The following GLI2 variants were observed in gnomAD, a reference collection of about 807,000 sequenced individuals.
GLI2 encodes the protein GLI family zinc finger 2.
Under a neutral mutation model 78.9 loss-of-function variants are expected in GLI2, and 22 were observed. The ratio of observed to expected loss-of-function variants is 0.28; its 90% CI spans 0.20 to 0.40. GLI2 has a LOEUF of 0.40. GLI2 is among the 10% of genes least tolerant of loss of function. The pLI, the probability that GLI2 is intolerant of heterozygous loss-of-function variation, is 1.00. For missense variants in GLI2, 2,097 were observed against 2,213.2 expected, an observed-to-expected ratio of 0.95 and a Z score of 1.05; for synonymous variants, 974 against 963.7, an observed-to-expected ratio of 1.01 and a Z score of -0.20.
chr2:120,879,352 AG>A, intron 2 of GLI2, among the ~76,000 whole-genome samples: 1 of 152,186 alleles, frequency 6.6e-6, no homozygotes, highest in South Asian at 2.1e-4. Context: ...CCAGGTCTGG[AG>A]GGGCTGTGTG....
intron 2 of GLI2, among the ~76,000 whole-genome samples, chr2:120,919,703 G>A (rs921836951): frequency 1.3e-5 from 2 of 152,262 alleles, no homozygotes; most frequent in African/African-American, 4.8e-5. Context: ...GCAACACTCA[G>A]CATCACCGGG....
chr2:120,940,925 G>A (rs954269792), intron 3 of GLI2, among the ~76,000 whole-genome samples: 1 of 152,158 alleles, frequency 6.6e-6, no homozygotes, highest in African/African-American at 2.4e-5. Flanking sequence ...CAGAACCCCA[G>A]CTCCCCACAC....
intron 1 of GLI2, among the ~76,000 whole-genome samples, chr2:120,761,478 CCA>C (rs1683210231): frequency 6.6e-6 from 1 of 152,204 alleles, no homozygotes; most frequent in Admixed American, 6.5e-5. Context: ...TCTTTTCTCC[CCA>C]CCTCAGATTG....
chr2:120,741,182 C>G (rs918444304), intron 1 of GLI2, among the ~76,000 whole-genome samples: 3 of 152,164 alleles, frequency 2.0e-5, no homozygotes, highest in African/African-American at 4.8e-5. Context: ...CCTCCAGACC[C>G]AGCCCAAACC....
chr2:120,984,725 C>T lies in GLI2; in HGVS notation c.1887C>T (p.Ile629=), dbSNP rs201044997. The change falls in exon 12 of 14, where the codon ATC becomes ATT. Residue 629 remains isoleucine, a synonymous_variant. Transcript: ENST00000361492. The stretch of plus-strand genomic sequence containing the variant: ...AGGACTGCCTGCACGTCAGAGCCAT[C>T]AAGACCGAGAGCTCCGGGGTAAGCG... ...AVEDCLHVRA[I]KTESSGLCQS... The T allele has an allele frequency of 6.2e-7, 1 of 1,613,024 alleles. No homozygotes were observed. The highest frequency in any genetic ancestry group is 2.2e-5 in the East Asian group (1 of 44,874).
chr2:120,978,596 C>T lies in GLI2; in HGVS notation c.1467+13C>T, dbSNP rs1464774287. 6.2e-7 allele frequency: 1 copy of T among 1,610,480 alleles called. No individual in the cohort carries two copies. Among genetic ancestry groups the T allele is most frequent in the Non-Finnish European group, 8.5e-7 (1 of 1,178,080 alleles). ...CCACAAGTGCACGGTGAGTGGCCTT[C>T]TCCCCACCCCCGCCGCAGCATCAAG... On this transcript the variant is annotated intron_variant, in intron 10 of 13. Coordinates refer to ENST00000361492, the MANE Select transcript of GLI2 (RefSeq NM_001374353.1).
At chr2:120,848,804 TAGG>T (rs1432031586) in intron 2 of GLI2, among the ~76,000 whole-genome samples, 2 of 152,084 alleles carry the variant, frequency 1.3e-5, no homozygotes, top group Non-Finnish European at 2.9e-5. Flanking sequence ...TCACTTTTCT[TAGG>T]AAGAAGGAAG....
At chr2:120,930,422 A>C (rs991548297) in intron 3 of GLI2, among the ~76,000 whole-genome samples, 7 of 152,236 alleles carry the variant, frequency 4.6e-5, no homozygotes, top group Admixed American at 2.6e-4. Flanking sequence ...CCACTTTGCA[A>C]GTTAGAAATC....
At chr2:120,786,098 G>GTT (rs1228031031) in intron 1 of GLI2, among the ~76,000 whole-genome samples, 2 of 152,194 alleles carry the variant, frequency 1.3e-5, no homozygotes, top group East Asian at 3.9e-4. Flanking sequence ...CCCAGGATCC[G>GTT]TAAGAGGACA....
At chr2:120,898,114 C>T (rs907892901) in intron 2 of GLI2, among the ~76,000 whole-genome samples, 1 of 151,416 alleles carries the variant, frequency 6.6e-6, no homozygotes, top group Admixed American at 6.6e-5. Flanking sequence ...GGTTTCCATC[C>T]ACCCCCTACT....
At chr2:120,912,142 T>C (rs78210990) in intron 2 of GLI2, among the ~76,000 whole-genome samples, 6,737 of 152,272 alleles carry the variant, frequency 0.044, 223 homozygotes, top group Non-Finnish European at 0.07. Context: ...CAGCTCTGGT[T>C]TCTCCGGCCC....
rs1238290206 is a variant in GLI2, at chr2:120,787,413, C to A, written c.-30-9878C>A. 2.0e-5 allele frequency among the ~76,000 whole-genome samples: 3 copies of A among 152,160 alleles called. No individual in the cohort carries two copies. In the East Asian group the frequency reaches 5.8e-4, roughly 29 times the overall value. On this transcript the variant is annotated intron_variant, in intron 1 of 13. Transcript: ENST00000361492. ...CTCAGTGGCCCTTGGTCCTTGCCCC[C>A]ACCCCCAACTCCCTGCCTTCTCAGT...
At chr2:120,874,707 C>A (rs1688645493) in intron 2 of GLI2, among the ~76,000 whole-genome samples, 1 of 152,236 alleles carries the variant, frequency 6.6e-6, no homozygotes, top group Admixed American at 6.5e-5. Flanking sequence ...AGGACGCAGG[C>A]AGCTCAGAAA....
chr2:120,990,117 T>C lies in GLI2; in HGVS notation c.4152T>C (p.His1384=), dbSNP rs1683217311. 6.2e-7 allele frequency: 1 copy of C among 1,603,814 alleles called. No individual in the cohort carries two copies. The highest frequency in any genetic ancestry group is 1.1e-5 in the South Asian group (1 of 90,112). The change falls in exon 14 of 14, where the codon CAT becomes CAC. Residue 1384 remains histidine, a synonymous_variant. Coordinates refer to ENST00000361492, the MANE Select transcript of GLI2 (RefSeq NM_001374353.1). ...QQLAYARATG[H]AMAAMPSSQE... is the part of the protein sequence containing the mutation. ...TGGCCTACGCCAGGGCCACAGGCCA[T>C]GCCATGGCTGCCATGCCGTCCAGTC...
intron 2 of GLI2, among the ~76,000 whole-genome samples, chr2:120,819,304 A>G (rs572931014): frequency 1.7e-4 from 22 of 131,624 alleles, no homozygotes; most frequent in African/African-American, 5.6e-4. Context: ...CAATGGTGTG[A>G]TCTTGGCTCA....
intron 5 of GLI2, among the ~76,000 whole-genome samples, chr2:120,965,839 A>G (rs1424477617): frequency 6.6e-6 from 1 of 152,172 alleles, no homozygotes; most frequent in Non-Finnish European, 1.5e-5. Context: ...CAGGTGACCT[A>G]GGATCCTTCC....
Position 120,988,891 on chromosome 2 carries a change from G to A in GLI2, c.2926G>A (p.Val976Met), listed in dbSNP as rs767022377. The A allele has an allele frequency of 6.6e-6, 10 of 1,506,346 alleles. No homozygotes were observed. The highest frequency in any genetic ancestry group is 8.8e-6 in the Non-Finnish European group (10 of 1,130,122). The allele number at this position is 1,506,346 out of a possible 1,614,324, so 93.3% of individuals were successfully genotyped here. A position where few individuals can be genotyped will look rare whatever the true frequency, so the allele number is the denominator to read the frequency against. Residue 976 changes from valine (V) to methionine (M), a missense_variant, in exon 14 of 14, where the codon GTG becomes ATG. Val to Met is a conservative substitution (Grantham distance 21, BLOSUM62 1). This residue lies in a region of GLI2 where 1,290 missense variants were observed against 1,261.7 expected (regional missense o/e 1.02). Transcript: ENST00000361492. ...RVQRFHSTHN[V>M]NPGPLPPCAD... ...GCAGCGCTTCCACAGCACCCACAACGTGAACCCCGGCCCGCTGCCGCCCTG... is the reference window on the plus strand; with the variant it reads ...GCAGCGCTTCCACAGCACCCACAACATGAACCCCGGCCCGCTGCCGCCCTG...
chr2:120,879,801 A>T (rs1677023766), intron 2 of GLI2, among the ~76,000 whole-genome samples: 1 of 152,206 alleles, frequency 6.6e-6, no homozygotes, highest in Non-Finnish European at 1.5e-5. Flanking sequence ...GCCTGTTCTA[A>T]TGAGGAGCTT....
At position 120,990,993 on chromosome 2, in the gene GLI2, T is replaced by G; in HGVS notation, c.*318T>G. On this transcript the variant is annotated 3_prime_UTR_variant, in exon 14 of 14. Transcript: ENST00000361492. ...GGCTTCTTCACGGCTGACATTCGGC[T>G]AACGAGGGATTACTTTGGCCAAAAC... is the stretch of plus-strand genomic sequence containing the variant. 1 of 322,986 alleles carries G rather than the reference T, an allele frequency of 3.1e-6. No homozygotes were observed. Among genetic ancestry groups the G allele is most frequent in the Non-Finnish European group, 5.7e-6 (1 of 176,010 alleles). 20.0% of individuals were successfully genotyped at this position (322,986 alleles called of 1,614,324 possible). A position where few individuals can be genotyped will look rare whatever the true frequency, so the allele number is the denominator to read the frequency against.
Sources: allele counts gnomAD v4.1 joint callset (sites outside exome capture counted in the v4.1 genomes callset), GRCh38; gene constraint gnomAD v4.1.1; regional missense constraint gnomAD v4.1.1; transcripts MANE v1.5; gene names NCBI Gene and HGNC (gene_info 2026-07-23, HGNC 2026-07-21).